ANKRD55: variants seen among roughly 807,000 people sequenced by gnomAD.
The protein encoded by ANKRD55 is ankyrin repeat domain 55.
Under a neutral mutation model 60.6 loss-of-function variants are expected in ANKRD55, and 41 were observed. That is an observed-to-expected ratio of 0.68 (90% CI 0.53 to 0.88). ANKRD55 has a LOEUF of 0.88. Ranked by LOEUF, ANKRD55 falls within the 40% of genes least tolerant of loss-of-function variation. ANKRD55 has a pLI of 0.00. For missense variants in ANKRD55, 732 were observed against 767.6 expected, an observed-to-expected ratio of 0.95 and a Z score of 0.55; for synonymous variants, 264 against 290.3, an observed-to-expected ratio of 0.91 and a Z score of 0.92.
chr5:56,152,832 TAACA>T (rs559671457), intron 6 of ANKRD55, among the ~76,000 whole-genome samples: 3 of 151,722 alleles, frequency 2.0e-5, no homozygotes, highest in Non-Finnish European at 2.9e-5. Flanking sequence ...AAAAATCTGG[TAACA>T]AACAAAAACA....
chr5:56,149,738 T>G (rs902363128), intron 6 of ANKRD55, among the ~76,000 whole-genome samples: 8 of 152,108 alleles, frequency 5.3e-5, no homozygotes, highest in Admixed American at 2.6e-4. Context: ...TTTGGGAGGT[T>G]TTTTTTTGGA....
intron 7 of ANKRD55, among the ~76,000 whole-genome samples, chr5:56,131,652 C>T (rs1009082965): frequency 1.7e-4 from 26 of 151,216 alleles, no homozygotes; most frequent in African/African-American, 5.8e-4. Flanking sequence ...AAAAATTAGC[C>T]GGGTGTGGTG....
chr5:56,149,175 T>C (rs1757977389), intron 6 of ANKRD55, among the ~76,000 whole-genome samples: 1 of 152,180 alleles, frequency 6.6e-6, no homozygotes, highest in Non-Finnish European at 1.5e-5. Flanking sequence ...CTTAGTAAAT[T>C]AATTCATTGT....
intron 2 of ANKRD55, among the ~76,000 whole-genome samples, chr5:56,232,590 C>T (rs139203190): frequency 3.3e-4 from 51 of 152,276 alleles, no homozygotes; most frequent in African/African-American, 1.1e-3. Context: ...AATACTTCAA[C>T]AAGATCATAA....
intron 5 of ANKRD55, among the ~76,000 whole-genome samples, chr5:56,166,084 CTTTTTCTTTCTTTCTTTCTT>C (rs1758441830): frequency 2.3e-4 from 18 of 76,872 alleles, no homozygotes; most frequent in Admixed American, 5.7e-4. Context: ...TCTTTCTTTT[CTTTTTCTTTCTTTCTTTCTT>C]TCTTTCTTTC....
chr5:56,181,672 C>G (rs948984384), intron 3 of ANKRD55, among the ~76,000 whole-genome samples: 15 of 152,288 alleles, frequency 9.8e-5, no homozygotes, highest in African/African-American at 3.6e-4. Flanking sequence ...CTCACTGCAA[C>G]CTCCGCCTCC....
rs184666093 is a variant in ANKRD55 at position 56,223,982 on chromosome 5, C to T, written c.58+8874G>A. 7.7e-3 allele frequency among the ~76,000 whole-genome samples: 1,176 copies of T among 152,232 alleles called. 11 individuals carry two copies. The highest frequency in any genetic ancestry group is 0.027 in the Middle Eastern group (8 of 294). On this transcript the variant is annotated intron_variant, in intron 2 of 11. Coordinates refer to ENST00000341048, the MANE Select transcript of ANKRD55 (RefSeq NM_024669.3). Reference sequence around the variant, plus strand: ...GAATTGAACTCAGCTCTGCACCAAGCGGACCTAATAGACATCTACAGAACT... The same window carrying T: ...GAATTGAACTCAGCTCTGCACCAAGTGGACCTAATAGACATCTACAGAACT...
At chr5:56,192,312 G>A (rs559720325) in intron 2 of ANKRD55, among the ~76,000 whole-genome samples, 22 of 152,376 alleles carry the variant, frequency 1.4e-4, no homozygotes, top group Middle Eastern at 3.4e-3. Context: ...GAAGAAACAT[G>A]AAGAAATAGG....
At chr5:56,143,125 T>C (rs1226584047) in intron 7 of ANKRD55, among the ~76,000 whole-genome samples, 1 of 152,146 alleles carries the variant, frequency 6.6e-6, no homozygotes, top group African/African-American at 2.4e-5. Flanking sequence ...TGTGGGGGTG[T>C]CTGTGCTGAA....
chr5:56,204,086 G>C (rs1170249105), intron 2 of ANKRD55, among the ~76,000 whole-genome samples: 2 of 152,168 alleles, frequency 1.3e-5, no homozygotes, highest in South Asian at 2.1e-4. Flanking sequence ...GGCCAGTGAT[G>C]ATGAGCATTT....
In ANKRD55 at chr5:56,166,130, CT is replaced by C. The variant is rs1167430899; in HGVS notation, c.422+4563del. On this transcript the variant is annotated intron_variant, in intron 5 of 11. Transcript: ENST00000341048. ...TCTTTCTTTCTTTCTTTCTTTCTTT[CT>C]TTCTTTCTTTCTTTCTTTCTTTCTT... Among the ~76,000 whole-genome samples the C allele has an allele frequency of 3.0e-4, 29 of 98,188 alleles. 1 individual carries two copies. The highest frequency in any genetic ancestry group is 1.3e-3 in the African/African-American group (25 of 18,884). The allele number at this position is 98,188 out of a possible 152,430, so 64.4% of individuals were successfully genotyped here. A position where few individuals can be genotyped will look rare whatever the true frequency, so the allele number is the denominator to read the frequency against.
At chr5:56,115,568 C>T (rs1279986318) in intron 9 of ANKRD55, among the ~76,000 whole-genome samples, 3 of 151,880 alleles carry the variant, frequency 2.0e-5, no homozygotes, top group East Asian at 3.9e-4. Flanking sequence ...GTGATCTACC[C>T]GCCTCAACTT....
chr5:56,127,069 T>C lies in ANKRD55; in HGVS notation c.650A>G (p.His217Arg). The change falls in exon 8 of 12, where the codon CAT becomes CGT. Residue 217 changes from histidine (H) to arginine (R), a missense_variant. By Grantham distance (29) the His-to-Arg change is conservative. Coordinates refer to ENST00000341048, the MANE Select transcript of ANKRD55 (RefSeq NM_024669.3). ...GTTGATTATGGACGGCCCCTGGTGA[T>C]GGCTCAGAATGATGGAGCACAGAAT... ...NRILCSIILS[H>R]HQGPSIINYD... 1 of 1,613,428 alleles carries C rather than the reference T, an allele frequency of 6.2e-7. No individual in the cohort carries two copies. Among genetic ancestry groups the C allele is most frequent in the African/African-American group, 1.3e-5 (1 of 75,022 alleles).
At chr5:56,144,869 T>G (rs1309197246) in intron 6 of ANKRD55, among the ~76,000 whole-genome samples, 1 of 152,218 alleles carries the variant, frequency 6.6e-6, no homozygotes, top group African/African-American at 2.4e-5. Context: ...AGATTGGCTC[T>G]TCTCCTTGCT....
intron 2 of ANKRD55, among the ~76,000 whole-genome samples, chr5:56,217,852 T>C (rs1351528545): frequency 1.3e-5 from 2 of 150,050 alleles, no homozygotes; most frequent in South Asian, 2.1e-4. Context: ...GCCGAGATTG[T>C]GCCACTGCAC....
At chr5:56,135,316 T>TTTCG (rs1561264065) in intron 7 of ANKRD55, among the ~76,000 whole-genome samples, 35 of 13,318 alleles carry the variant, frequency 2.6e-3, no homozygotes, top group African/African-American at 0.018. Flanking sequence ...TCTTTCTTTC[T>TTTCG]TTCTTTCTTT....
chr5:56,135,264 T>TTCCC (rs200725926), intron 7 of ANKRD55, among the ~76,000 whole-genome samples: 1 of 97,456 alleles, frequency 1.0e-5, no homozygotes, highest in Non-Finnish European at 2.0e-5. Flanking sequence ...CCTTCCTTCT[T>TTCCC]TCCCTCCCTC....
intron 2 of ANKRD55, among the ~76,000 whole-genome samples, chr5:56,208,460 T>C (rs1429569584): frequency 6.6e-6 from 1 of 152,130 alleles, no homozygotes; most frequent in Non-Finnish European, 1.5e-5. Flanking sequence ...AGTCTCACTC[T>C]GTTACCCAGG....
At chr5:56,129,839 C>T (rs115791760) in intron 7 of ANKRD55, among the ~76,000 whole-genome samples, 2,421 of 152,248 alleles carry the variant, frequency 0.016, 41 homozygotes, top group Admixed American at 0.041. Flanking sequence ...GTGCTTTAGC[C>T]TCTGTGTTGC....
Sources: gnomAD v4.1 joint callset for allele counts (sites outside exome capture counted in the v4.1 genomes callset) on GRCh38, gnomAD v4.1.1 for gene constraint, MANE v1.5 for transcripts, NCBI Gene and HGNC (gene_info 2026-07-23, HGNC 2026-07-21) for gene names.